Variants in PDS5B observed in about 807,000 individuals in gnomAD.
PDS5B encodes the protein PDS5 cohesin associated factor B, also known as sister chromatid cohesion protein PDS5 homolog B.
PDS5B carries 51 observed loss-of-function variants against 184.1 expected under a neutral mutation model. The observed-to-expected ratio is 0.28, with a 90% CI of 0.22 to 0.35. PDS5B has a LOEUF of 0.35. Among genes scored for constraint, PDS5B ranks in the 10% least tolerant of loss-of-function variants. PDS5B has a pLI of 1.00. For synonymous variants in PDS5B, 566 were observed against 569.2 expected, an observed-to-expected ratio of 0.99 and a Z score of 0.08; for missense variants, 1,180 against 1,723.3, an observed-to-expected ratio of 0.68 and a Z score of 5.58.
chr13:32,631,268 T>C (rs1370859172), intron 1 of PDS5B, among the ~76,000 whole-genome samples: 2 of 151,764 alleles, frequency 1.3e-5, no homozygotes, highest in Non-Finnish European at 2.9e-5. Flanking sequence ...TTTTTTTGTA[T>C]TTTTTGTAGT....
At chr13:32,591,612 C>T (rs190210075) in intron 1 of PDS5B, among the ~76,000 whole-genome samples, 1 of 152,208 alleles carries the variant, frequency 6.6e-6, no homozygotes, top group Admixed American at 6.5e-5. Flanking sequence ...TATGAGAATG[C>T]CTGTGACATG....
rs759089836 is a variant in PDS5B, at chr13:32,694,204, G to GT, written c.1470-18dup. 5 of 1,500,892 alleles carry GT rather than the reference G, an allele frequency of 3.3e-6. No individual in the cohort carries two copies. The African/African-American group carries it at 6.9e-5, about 21-fold the overall frequency. 93.0% of individuals were successfully genotyped at this position (1,500,892 alleles called of 1,614,324 possible). A position where few individuals can be genotyped will look rare whatever the true frequency, so the allele number is the denominator to read the frequency against. On this transcript the variant is annotated intron_variant, in intron 13 of 34. Transcript: ENST00000315596. ...TTATTCTGTTTTGTTATTTAAATGT[G>GT]TATGTTTGTGTTTTTCAGAGCATTG...
chr13:32,706,804 C>A, intron 17 of PDS5B, 130 bp from the exon 18 acceptor site: 1 of 458,646 alleles, frequency 2.2e-6, no homozygotes, highest in Non-Finnish European at 3.9e-6. Flanking sequence ...GTGTTAAAAA[C>A]CAGCTATATC....
chr13:32,767,589 A>C (rs1954624554), intron 31 of PDS5B, among the ~76,000 whole-genome samples: 1 of 152,186 alleles, frequency 6.6e-6, no homozygotes, highest in Non-Finnish European at 1.5e-5. Flanking sequence ...CAACAAACAT[A>C]GATTGACTGA....
At chr13:32,605,179 C>G (rs1007050458) in intron 1 of PDS5B, among the ~76,000 whole-genome samples, 6 of 152,208 alleles carry the variant, frequency 3.9e-5, no homozygotes, top group Non-Finnish European at 8.8e-5. Context: ...AATTTTACAT[C>G]TTTCCTGCTT....
At position 32,770,268 on chromosome 13, in the gene PDS5B, G is replaced by C. The variant is rs1226632444; in HGVS notation, c.3772G>C (p.Glu1258Gln). Residue 1258 changes from glutamate to glutamine, a missense_variant, in exon 32 of 35, where the codon GAA becomes CAA. By Grantham distance (29) the Glu-to-Gln change is conservative (BLOSUM62 2). Around this residue, in one of 11 missense-constraint regions of PDS5B, gnomAD observed 465 missense variants for 497.8 expected, o/e 0.93. Transcript: ENST00000315596. ...TCGGAAAAGAGGCCATACGGCTTCA[G>C]AATCTGATGAACAGCAGTGGCCTGA... ...RSRKRGHTAS[E>Q]SDEQQWPEEK... The C allele has an allele frequency of 1.9e-6, 3 of 1,613,848 alleles. No individual in the cohort carries two copies. In the African/African-American group the frequency reaches 4.0e-5, roughly 22 times the overall value.
At chr13:32,687,097 C>T in intron 11 of PDS5B, 37 bp from the exon 12 acceptor site, 1 of 1,509,628 alleles carries the variant, frequency 6.6e-7, no homozygotes. Context: ...ATAATGGAAG[C>T]CTTTTTACAT....
intron 11 of PDS5B, among the ~76,000 whole-genome samples, chr13:32,686,233 T>G (rs1318449003): frequency 1.3e-5 from 2 of 152,208 alleles, no homozygotes; most frequent in East Asian, 3.8e-4. Context: ...AGATGCACTG[T>G]AACAAATATA....
intron 1 of PDS5B, among the ~76,000 whole-genome samples, chr13:32,631,339 T>A (rs1299429998): frequency 6.6e-6 from 1 of 152,152 alleles, no homozygotes; most frequent in East Asian, 1.9e-4. Context: ...GCAGTCCACC[T>A]GCCTTGACCT....
At chr13:32,614,281 CATT>C (rs1053969059) in intron 1 of PDS5B, among the ~76,000 whole-genome samples, 1 of 149,680 alleles carries the variant, frequency 6.7e-6, no homozygotes, top group Non-Finnish European at 1.5e-5. Flanking sequence ...CGGGGATTCA[CATT>C]ATTCACATTG....
At position 32,769,409 on chromosome 13, in the gene PDS5B, TCATA is replaced by T. The variant is rs146878190; in HGVS notation, c.3625-705_3625-702del. Among the ~76,000 whole-genome samples the T allele has an allele frequency of 6.3e-3, 956 of 152,332 alleles. 16 individuals carry two copies. The highest frequency in any genetic ancestry group is 0.022 in the African/African-American group (914 of 41,576). ...GAAATTAACTTTGTATTATAAGTGT[TCATA>T]CATACAATTTATTCTTGGGTCTTTG... is the stretch of plus-strand genomic sequence containing the variant. On this transcript the variant is annotated intron_variant, in intron 31 of 34. Transcript: ENST00000315596.
chr13:32,654,507 C>CT (rs1343778415), intron 3 of PDS5B, among the ~76,000 whole-genome samples: 1 of 152,036 alleles, frequency 6.6e-6, no homozygotes, highest in Non-Finnish European at 1.5e-5. Flanking sequence ...ATCAAAGTAA[C>CT]TTTTTTTGTT....
At chr13:32,598,200 G>C (rs1386931419) in intron 1 of PDS5B, among the ~76,000 whole-genome samples, 1 of 151,918 alleles carries the variant, frequency 6.6e-6, no homozygotes, top group African/African-American at 2.4e-5. Context: ...AGCCTCTCAA[G>C]TATCTGGGAC....
intron 19 of PDS5B, among the ~76,000 whole-genome samples, chr13:32,719,309 A>G (rs949175260): frequency 1.3e-5 from 2 of 151,738 alleles, no homozygotes; most frequent in East Asian, 1.9e-4. Flanking sequence ...CAGCCTCCCA[A>G]GTTGTTGTGT....
At chr13:32,663,906 T>C (rs946422815) in intron 6 of PDS5B, among the ~76,000 whole-genome samples, 2 of 152,212 alleles carry the variant, frequency 1.3e-5, no homozygotes, top group African/African-American at 2.4e-5. Flanking sequence ...TAGTCCATTA[T>C]ATCACTCTGT....
intron 1 of PDS5B, among the ~76,000 whole-genome samples, chr13:32,643,641 A>T (rs777561854): frequency 6.6e-6 from 1 of 152,014 alleles, no homozygotes; most frequent in Non-Finnish European, 1.5e-5. Flanking sequence ...ATACATTTAG[A>T]TACACAGATA....
intron 1 of PDS5B, among the ~76,000 whole-genome samples, chr13:32,606,436 G>A: frequency 6.6e-6 from 1 of 152,192 alleles, no homozygotes; most frequent in Admixed American, 6.5e-5. Context: ...CGAGAGGTCT[G>A]CTGTTAGTCT....
At chr13:32,587,173 C>A (rs1262012150) in intron 1 of PDS5B, among the ~76,000 whole-genome samples, 1 of 149,808 alleles carries the variant, frequency 6.7e-6, no homozygotes, top group Non-Finnish European at 1.5e-5. Context: ...GCTCTCGCCC[C>A]CGCCGCCGGG....
At chr13:32,632,489 T>TA in intron 1 of PDS5B, among the ~76,000 whole-genome samples, 1 of 152,246 alleles carries the variant, frequency 6.6e-6, no homozygotes, top group African/African-American at 2.4e-5. Flanking sequence ...AGGATGGCTA[T>TA]AAAAAAACAA....
Sources: allele counts gnomAD v4.1 joint callset (sites outside exome capture counted in the v4.1 genomes callset), GRCh38; gene constraint gnomAD v4.1.1; regional missense constraint gnomAD v4.1.1; transcripts MANE v1.5; gene names NCBI Gene and HGNC (gene_info 2026-07-23, HGNC 2026-07-21).